MAP7D1: variants seen among roughly 807,000 people sequenced by gnomAD.
MAP7D1 encodes the protein MAP7 domain containing 1.
In MAP7D1, 30 loss-of-function variants were observed where a neutral mutation model predicts 97.5. The observed-to-expected ratio is 0.31, with a 90% CI of 0.23 to 0.42. The LOEUF is 0.42. Among genes scored for constraint, MAP7D1 ranks in the 10% least tolerant of loss-of-function variants. The pLI is 1.00. For synonymous variants in MAP7D1, 536 were observed against 477.1 expected, an observed-to-expected ratio of 1.12 and a Z score of -1.61; for missense variants, 1,184 against 1,179.5, an observed-to-expected ratio of 1.00 and a Z score of -0.06.
In MAP7D1 at chr1:36,176,511, G is replaced by A. The variant is rs1329385053; in HGVS notation, c.1163G>A (p.Arg388His). ...CACCGCTGCGCCCCCGCCGGTGAGCGCGGGGAGCGCCGCAAGCCCAACGCC... is the reference window on the plus strand; with the variant it reads ...CACCGCTGCGCCCCCGCCGGTGAGCACGGGGAGCGCCGCAAGCCCAACGCC... ...SVHRCAPAGERGERRKPNAGG... is the reference protein window; with the variant it reads ...SVHRCAPAGEHGERRKPNAGG... The change falls in exon 7 of 17, where the codon CGC (arginine) becomes CAC (histidine). Residue 388 changes from arginine (R) to histidine (H), a missense_variant. Coordinates refer to ENST00000474796, the MANE Select transcript of MAP7D1 (RefSeq NM_001388490.1). This position sits in a 1 kb window ranked among gnomAD's most constrained non-coding sequence, Gnocchi z 6.1. 3 of 1,376,390 alleles carry A rather than the reference G, an allele frequency of 2.2e-6. No individual in the cohort carries two copies. Among genetic ancestry groups the A allele is most frequent in the Non-Finnish European group, 2.8e-6 (3 of 1,066,630 alleles). The allele number at this position is 1,376,390 out of a possible 1,614,324, so 85.3% of individuals were successfully genotyped here.
At chr1:36,158,893 C>A (rs1644372283) in intron 1 of MAP7D1, among the ~76,000 whole-genome samples, 1 of 152,120 alleles carries the variant, frequency 6.6e-6, no homozygotes, top group South Asian at 2.1e-4. Context: ...TAACCTAAGT[C>A]TTAAGTTTGC....
At position 36,176,532 on chromosome 1, in the gene MAP7D1, A is replaced by G; in HGVS notation, c.1184A>G (p.Asn395Ser). ...GAGCGCGGGGAGCGCCGCAAGCCCA[A>G]CGCCGGGGGCAGCCCCGCTCCGGTG... is the stretch of plus-strand genomic sequence containing the variant. ...AGERGERRKPNAGGSPAPVRR... is the reference protein window; with the variant it reads ...AGERGERRKPSAGGSPAPVRR... The change falls in exon 7 of 17, where the codon AAC becomes AGC. Residue 395 changes from asparagine to serine, a missense_variant. Transcript: ENST00000474796. The surrounding 1 kb of genome is among the most constrained non-coding windows in gnomAD (Gnocchi z 6.1). The G allele has an allele frequency of 1.4e-6, 2 of 1,397,290 alleles. No homozygotes were observed. Among genetic ancestry groups the G allele is most frequent in the Non-Finnish European group, 1.9e-6 (2 of 1,076,372 alleles). The allele number at this position is 1,397,290 out of a possible 1,614,324, so 86.6% of individuals were successfully genotyped here.
At chr1:36,178,873 A>C in intron 11 of MAP7D1, 48 bp from the exon 12 acceptor site, 1 of 1,547,916 alleles carries the variant, frequency 6.5e-7, no homozygotes, top group South Asian at 1.2e-5. Context: ...GCGGGCCGGG[A>C]GGGAAGGCTG....
chr1:36,175,129 C>T (rs991116632), intron 6 of MAP7D1, 121 bp downstream of exon 6: 2 of 689,624 alleles, frequency 2.9e-6, no homozygotes, highest in Non-Finnish European at 5.2e-6. Context: ...TCCCCATCCC[C>T]ACTCTACCTT....
intron 13 of MAP7D1, 68 bp from the exon 14 acceptor site, chr1:36,179,447 C>T: frequency 1.3e-6 from 2 of 1,575,162 alleles, no homozygotes; most frequent in Non-Finnish European, 8.6e-7. Context: ...AGGGGAGGGC[C>T]GAACTCAGTC....
At position 36,176,418 on chromosome 1, in the gene MAP7D1, C is replaced by A; in HGVS notation, c.1070C>A (p.Ala357Asp). 1.3e-6 allele frequency: 2 copies of A among 1,533,884 alleles called. No individual in the cohort carries two copies. The highest frequency in any genetic ancestry group is 8.7e-7 in the Non-Finnish European group (1 of 1,148,942). The part of the protein sequence containing the change: ...PQPDRTHPSA[A>D]VPVCPRSASA... ...CCCGACCGCACTCATCCCTCTGCAG[C>A]CGTGCCGGTGTGCCCGCGCTCGGCC... Residue 357 changes from alanine to aspartate, a missense_variant, in exon 7 of 17, where the codon GCC becomes GAC. Physicochemically the swap from Ala to Asp is moderately radical, Grantham distance 126 (BLOSUM62 -2). Transcript: ENST00000474796. The surrounding 1 kb of genome is among the most constrained non-coding windows in gnomAD (Gnocchi z 6.1).
chr1:36,162,313 G>T (rs1644423658), intron 1 of MAP7D1, among the ~76,000 whole-genome samples: 1 of 152,278 alleles, frequency 6.6e-6, no homozygotes, highest in East Asian at 1.9e-4. Context: ...CTACATTCCT[G>T]TGCTCTGAGC....
In MAP7D1 at chr1:36,174,806, C is replaced by T. The variant is rs1267546370; in HGVS notation, c.740-92C>T. 16 of 690,494 alleles carry T rather than the reference C, an allele frequency of 2.3e-5. 1 individual carries two copies. The highest frequency in any genetic ancestry group is 4.1e-5 in the Non-Finnish European group (16 of 386,074). The allele number at this position is 690,494 out of a possible 1,614,324, so 42.8% of individuals were successfully genotyped here. On this transcript the variant is annotated intron_variant, in intron 5 of 16. Transcript: ENST00000474796. ...CCTGCCCACTCCTCCCTCTCCCACC[C>T]CGCCCTCGGAGCATCCTGCATGGAA...
intron 1 of MAP7D1, among the ~76,000 whole-genome samples, chr1:36,166,120 C>T (rs138592079): frequency 0.014 from 2,157 of 152,152 alleles, 22 homozygotes; most frequent in Non-Finnish European, 0.023. Flanking sequence ...GAACGAGGCA[C>T]GCAGAATCTG....
chr1:36,171,043 T>C lies in MAP7D1; in HGVS notation c.119T>C (p.Met40Thr), dbSNP rs1644535663. 2.5e-6 allele frequency: 3 copies of C among 1,199,588 alleles called. No individual in the cohort carries two copies. The highest frequency in any genetic ancestry group is 9.1e-5 in the East Asian group (2 of 22,034). 74.3% of individuals were successfully genotyped at this position (1,199,588 alleles called of 1,614,324 possible). ...GACCCTTCCCCCCCACCACCACCAATGTCAGCCCTGGTCCCCGACACTCCC... is the reference window on the plus strand; with the variant it reads ...GACCCTTCCCCCCCACCACCACCAACGTCAGCCCTGGTCCCCGACACTCCC... ...EGDPSPPPPP[M>T]SALVPDTPPD... Residue 40 changes from methionine to threonine, a missense_variant, in exon 2 of 17, where the codon ATG becomes ACG. Met to Thr is a moderately conservative substitution (Grantham distance 81). Coordinates refer to ENST00000474796, the MANE Select transcript of MAP7D1 (RefSeq NM_001388490.1).
chr1:36,179,918 A>G lies in MAP7D1; in HGVS notation c.2363A>G (p.Gln788Arg). ...ELPASLVNGL[Q>R]PLPAHQENGF... ...CCAGCGTCCCTGGTGAATGGCCTGCAGCCTCTCCCAGCACACCAGGAGAAT... is the reference window on the plus strand; with the variant it reads ...CCAGCGTCCCTGGTGAATGGCCTGCGGCCTCTCCCAGCACACCAGGAGAAT... The change falls in exon 16 of 17, where the codon CAG becomes CGG. Residue 788 changes from glutamine (Q) to arginine (R), a missense_variant. Coordinates refer to ENST00000474796, the MANE Select transcript of MAP7D1 (RefSeq NM_001388490.1). 1 of 1,614,098 alleles carries G rather than the reference A, an allele frequency of 6.2e-7. No individual in the cohort carries two copies. Among genetic ancestry groups the G allele is most frequent in the Middle Eastern group, 1.7e-4 (1 of 6,060 alleles).
intron 5 of MAP7D1, 151 bp downstream of exon 5, chr1:36,173,629 C>A: frequency 5.3e-6 from 3 of 562,460 alleles, no homozygotes; most frequent in Non-Finnish European, 9.5e-6. Flanking sequence ...GGTCTGTAAG[C>A]CAAACTGTCC....
chr1:36,164,748 A>G (rs754069607), intron 1 of MAP7D1, among the ~76,000 whole-genome samples: 1 of 152,210 alleles, frequency 6.6e-6, no homozygotes, highest in Non-Finnish European at 1.5e-5. Context: ...AGTGGCAAAG[A>G]GCACCGTGAT....
intron 1 of MAP7D1, among the ~76,000 whole-genome samples, chr1:36,158,136 A>G (rs1028052895): frequency 2.0e-5 from 2 of 100,168 alleles, no homozygotes; most frequent in African/African-American, 5.4e-5. Context: ...TGGCTCTCCT[A>G]GGGGCAGGGG....
Position 36,179,099 on chromosome 1 carries a change from G to T in MAP7D1, c.2130+74G>T, listed in dbSNP as rs1644677479. The T allele has an allele frequency of 7.9e-6, 12 of 1,517,742 alleles. No individual in the cohort carries two copies. In the Middle Eastern group the frequency reaches 6.8e-4, roughly 86 times the overall value. 94.0% of individuals were successfully genotyped at this position (1,517,742 alleles called of 1,614,324 possible). On this transcript the variant is annotated intron_variant, in intron 12 of 16. Transcript: ENST00000474796. ...GCCAGGTGGGCGGGGCCTGGGCTTAGAGCGGACAGGACGGGAAAGCGCTGG... is the reference window on the plus strand; with the variant it reads ...GCCAGGTGGGCGGGGCCTGGGCTTATAGCGGACAGGACGGGAAAGCGCTGG...
At chr1:36,161,629 C>G (rs997268148) in intron 1 of MAP7D1, among the ~76,000 whole-genome samples, 1 of 152,168 alleles carries the variant, frequency 6.6e-6, no homozygotes, top group Non-Finnish European at 1.5e-5. Flanking sequence ...AGCTGTTGCT[C>G]CTGTTAATCG....
chr1:36,171,465 C>G, intron 2 of MAP7D1, 48 bp from the exon 3 acceptor site: 1 of 1,603,086 alleles, frequency 6.2e-7, no homozygotes, highest in African/African-American at 1.3e-5. Flanking sequence ...GCTGACTCCT[C>G]TTTGGGGACA....
intron 9 of MAP7D1, 55 bp downstream of exon 9, chr1:36,178,256 G>A: frequency 6.7e-7 from 1 of 1,488,500 alleles, no homozygotes; most frequent in Non-Finnish European, 9.0e-7. Flanking sequence ...AGCTTCTCCT[G>A]TGTGGGGGTG....
chr1:36,165,090 A>AG (rs1282452187), intron 1 of MAP7D1, among the ~76,000 whole-genome samples: 4 of 152,302 alleles, frequency 2.6e-5, no homozygotes, highest in African/African-American at 9.6e-5. Flanking sequence ...TGGAACTGGG[A>AG]GGGAGACTTC....
Sources: gnomAD v4.1 joint callset for allele counts (sites outside exome capture counted in the v4.1 genomes callset) on GRCh38, gnomAD v4.1.1 for gene constraint, Gnocchi (gnomAD v3.1) non-coding constraint, MANE v1.5 for transcripts, NCBI Gene and HGNC (gene_info 2026-07-23, HGNC 2026-07-21) for gene names.